Variants in CAMK2A observed in about 807,000 individuals in gnomAD.
The protein encoded by CAMK2A is calcium/calmodulin dependent protein kinase II alpha.
CAMK2A carries 7 observed loss-of-function variants against 79.2 expected under a neutral mutation model. The observed-to-expected ratio is 0.09, with a 90% CI of 0.05 to 0.17. The LOEUF (loss-of-function observed/expected upper bound fraction) is 0.17. Ranked by LOEUF, CAMK2A falls within the 10% of genes least tolerant of loss-of-function variation. CAMK2A has a pLI of 1.00. For missense variants in CAMK2A, 214 were observed against 646.4 expected (o/e 0.33, Z 7.25); for synonymous variants, 242 against 251.7 (o/e 0.96, Z 0.36).
chr5:150,255,844 G>T (rs1238469416), intron 6 of CAMK2A, among the ~76,000 whole-genome samples: 1 of 152,218 alleles, frequency 6.6e-6, no homozygotes, highest in Non-Finnish European at 1.5e-5. Flanking sequence ...CAATTGAACT[G>T]CATGTTCTTG....
chr5:150,271,556 C>T (rs1036236865), intron 2 of CAMK2A, among the ~76,000 whole-genome samples: 7 of 152,212 alleles, frequency 4.6e-5, no homozygotes, highest in African/African-American at 1.7e-4. Context: ...CTATCAAACA[C>T]CTGGACACTC....
chr5:150,265,644 A>G (rs968228927), intron 2 of CAMK2A, among the ~76,000 whole-genome samples: 1 of 152,150 alleles, frequency 6.6e-6, no homozygotes, highest in African/African-American at 2.4e-5. Context: ...TAGGTGCTCA[A>G]GAAATAACTG....
chr5:150,263,678 C>T (rs1423819167), intron 3 of CAMK2A, among the ~76,000 whole-genome samples: 1 of 152,208 alleles, frequency 6.6e-6, no homozygotes, highest in Non-Finnish European at 1.5e-5. Flanking sequence ...ACACTTAACA[C>T]ACACTCCCCT....
Position 150,289,546 on chromosome 5 carries a change from T to C in CAMK2A, c.62+18A>G, listed in dbSNP as rs1349010092. 1 of 1,610,982 alleles carries C rather than the reference T, an allele frequency of 6.2e-7. No individual in the cohort carries two copies. The highest frequency in any genetic ancestry group is 1.1e-5 in the South Asian group (1 of 90,982). On this transcript the variant is annotated intron_variant, in intron 1 of 18. Coordinates refer to ENST00000671881, the MANE Select transcript of CAMK2A (RefSeq NM_015981.4). ...CCCGCCCCCCATGCCTTCCAGGACTTCCTGAGGCACAACTCACTTGCCCAA... is the reference window on the plus strand; with the variant it reads ...CCCGCCCCCCATGCCTTCCAGGACTCCCTGAGGCACAACTCACTTGCCCAA...
chr5:150,264,812 A>ACGC, intron 3 of CAMK2A, 144 bp downstream of exon 3: 1 of 660,974 alleles, frequency 1.5e-6, no homozygotes, highest in Non-Finnish European at 2.8e-6. Flanking sequence ...ACCATTAAAG[A>ACGC]CGCCCCCTTT....
intron 1 of CAMK2A, among the ~76,000 whole-genome samples, chr5:150,280,090 C>T (rs1390670734): frequency 6.6e-6 from 1 of 152,200 alleles, no homozygotes; most frequent in Non-Finnish European, 1.5e-5. Flanking sequence ...AAGATGCGAC[C>T]AGCCCTGCTC....
intron 1 of CAMK2A, among the ~76,000 whole-genome samples, chr5:150,288,432 T>G (rs1039470965): frequency 1.3e-5 from 2 of 152,154 alleles, no homozygotes; most frequent in African/African-American, 4.8e-5. Context: ...CTCTTCCTGG[T>G]GCACATGCAT....
chr5:150,239,300 A>C (rs946535311), intron 14 of CAMK2A, among the ~76,000 whole-genome samples: 1 of 152,144 alleles, frequency 6.6e-6, no homozygotes, highest in African/African-American at 2.4e-5. Flanking sequence ...ACACCAGCTC[A>C]AGAGGGGCCT....
At chr5:150,275,991 A>G (rs1197147274) in intron 1 of CAMK2A, among the ~76,000 whole-genome samples, 2 of 152,176 alleles carry the variant, frequency 1.3e-5, no homozygotes, top group Non-Finnish European at 2.9e-5. Context: ...TTCTGTGACC[A>G]GCTCCCATAC....
intron 15 of CAMK2A, 40 bp from the exon 16 acceptor site, chr5:150,231,420 A>C: frequency 1.5e-6 from 1 of 666,168 alleles, no homozygotes; most frequent in African/African-American, 1.9e-5. Context: ...TAATAATAAT[A>C]ATAATAATAA....
intron 17 of CAMK2A, among the ~76,000 whole-genome samples, chr5:150,226,629 C>T (rs187789362): frequency 3.2e-4 from 46 of 145,696 alleles, no homozygotes; most frequent in Admixed American, 2.9e-3. Context: ...CCCAGCTACT[C>T]AGGAGGCTGA....
intron 13 of CAMK2A, among the ~76,000 whole-genome samples, chr5:150,242,044 G>A (rs1755368957): frequency 6.6e-6 from 1 of 152,190 alleles, no homozygotes; most frequent in African/African-American, 2.4e-5. Context: ...TGGGACATGG[G>A]GAGAGAGGTC....
intron 13 of CAMK2A, among the ~76,000 whole-genome samples, chr5:150,239,962 C>T (rs1199283723): frequency 1.3e-5 from 2 of 152,140 alleles, no homozygotes; most frequent in African/African-American, 2.4e-5. Context: ...TCCTCATGCA[C>T]ACTGCCTGGG....
intron 1 of CAMK2A, among the ~76,000 whole-genome samples, chr5:150,287,826 C>A (rs929890900): frequency 6.6e-6 from 1 of 151,958 alleles, no homozygotes; most frequent in South Asian, 2.1e-4. Flanking sequence ...TGCCCCTACC[C>A]GCAAAAAAAG....
rs759813255 is a variant in CAMK2A, at chr5:150,245,164, C to T, written c.981G>A (p.Val327=). The T allele has an allele frequency of 4.3e-6, 7 of 1,613,832 alleles. No individual in the cohort carries two copies. The highest frequency in any genetic ancestry group is 4.2e-6 in the Non-Finnish European group (5 of 1,179,920). The change falls in exon 13 of 19, where the codon GTG becomes GTA. Residue 327 remains valine (V), a synonymous_variant. Transcript: ENST00000671881. The part of the protein sequence containing the change: ...KSGGNKKSDG[V]KKRKSSSSVQ... ...CCAGGCTCCTGGAGGGGCTTACCTTCACACCATCGCTCTTCTTGTTTCCCC... is the reference window on the plus strand; with the variant it reads ...CCAGGCTCCTGGAGGGGCTTACCTTTACACCATCGCTCTTCTTGTTTCCCC...
chr5:150,247,914 G>T, intron 11 of CAMK2A, 100 bp from the exon 12 acceptor site: 3 of 955,190 alleles, frequency 3.1e-6, no homozygotes, highest in Non-Finnish European at 4.9e-6. Flanking sequence ...AGAGGCAGGT[G>T]CTGCATTCAG....
rs1754218370 is a variant in CAMK2A at position 150,219,872 on chromosome 5, TA to T, written c.*2837del. ...GGGTTTGGATTTTTATTTATTTATT[TA>T]TTATTATTATTATTATTATTTTGCA... On this transcript the variant is annotated 3_prime_UTR_variant, in exon 19 of 19. Coordinates refer to ENST00000671881, the MANE Select transcript of CAMK2A (RefSeq NM_015981.4). The T allele has an allele frequency of 5.4e-5, 2 of 36,734 alleles. No individual in the cohort carries two copies. Among genetic ancestry groups the T allele is most frequent in the South Asian group, 9.8e-4 (1 of 1,024 alleles). 2.3% of individuals were successfully genotyped at this position (36,734 alleles called of 1,614,324 possible). A position where few individuals can be genotyped will look rare whatever the true frequency, so the allele number is the denominator to read the frequency against.
At chr5:150,226,747 G>GGA (rs1411150409) in intron 17 of CAMK2A, among the ~76,000 whole-genome samples, 1 of 100,196 alleles carries the variant, frequency 1.0e-5, no homozygotes, top group Admixed American at 9.3e-5. Context: ...AAAAAAAAGG[G>GGA]GGGGGGGGGA....
intron 13 of CAMK2A, among the ~76,000 whole-genome samples, chr5:150,241,929 A>G (rs2114046983): frequency 6.6e-6 from 1 of 152,270 alleles, no homozygotes; most frequent in Middle Eastern, 3.4e-3. Flanking sequence ...CTCAGCTGTC[A>G]GCAGAAACCC....
Sources: gnomAD v4.1 joint callset for allele counts (sites outside exome capture counted in the v4.1 genomes callset) on GRCh38, gnomAD v4.1.1 for gene constraint, MANE v1.5 for transcripts, NCBI Gene and HGNC (gene_info 2026-07-23, HGNC 2026-07-21) for gene names.